Variants in IL1RAP observed in about 807,000 individuals in gnomAD.
The protein encoded by IL1RAP is interleukin-1 receptor accessory protein.
In IL1RAP, 35 loss-of-function variants were observed where a neutral mutation model predicts 60.7. The ratio of observed to expected loss-of-function variants is 0.58; its 90% confidence interval spans 0.44 to 0.76. The LOEUF is 0.76. Ranked by LOEUF, IL1RAP falls within the 30% of genes least tolerant of loss-of-function variation. IL1RAP has a pLI of 0.00. For synonymous variants in IL1RAP, 268 were observed against 250.9 expected (o/e 1.07, Z -0.64); for missense variants, 572 against 693.9 (o/e 0.82, Z 1.97).
At chr3:190,528,582 G>A (rs1722705832) in intron 1 of IL1RAP, among the ~76,000 whole-genome samples, 1 of 152,134 alleles carries the variant, frequency 6.6e-6, no homozygotes, top group African/African-American at 2.4e-5. Context: ...AGAAACTTCT[G>A]TAGGCAAGAC....
At chr3:190,520,955 T>C (rs1721968350) in intron 1 of IL1RAP, among the ~76,000 whole-genome samples, 1 of 152,214 alleles carries the variant, frequency 6.6e-6, no homozygotes, top group Non-Finnish European at 1.5e-5. Context: ...ATAGTGGACA[T>C]TGATGTCAAA....
chr3:190,553,933 C>T (rs1030999904), intron 1 of IL1RAP, among the ~76,000 whole-genome samples: 8 of 150,410 alleles, frequency 5.3e-5, no homozygotes, highest in African/African-American at 1.5e-4. Context: ...TAGTGGCGGG[C>T]GCCTGTAGTC....
chr3:190,652,188 G>A (rs564909540), downstream of IL1RAP, among the ~76,000 whole-genome samples: 5 of 152,150 alleles, frequency 3.3e-5, no homozygotes, highest in East Asian at 9.7e-4. Flanking sequence ...TCCCTGGCCA[G>A]GCGCGGTGGC....
intron 1 of IL1RAP, among the ~76,000 whole-genome samples, chr3:190,548,428 G>A (rs1216590067): frequency 6.6e-6 from 1 of 152,160 alleles, no homozygotes; most frequent in Non-Finnish European, 1.5e-5. Context: ...GAGGGGTTAA[G>A]TACATTATCC....
At chr3:190,615,216 A>G (rs1259754353) in intron 5 of IL1RAP, 7 of 683,104 alleles carry the variant, frequency 1.0e-5, no homozygotes, top group Non-Finnish European at 1.6e-5. Flanking sequence ...TGGAAAGCAA[A>G]CCATAGTTTG....
downstream of IL1RAP, among the ~76,000 whole-genome samples, chr3:190,654,589 T>C (rs1734544988): frequency 6.6e-6 from 1 of 152,186 alleles, no homozygotes; most frequent in South Asian, 2.1e-4. Flanking sequence ...AAATTCATGT[T>C]AAATCCACTG....
At chr3:190,576,929 G>A (rs1223520988) in intron 3 of IL1RAP, among the ~76,000 whole-genome samples, 2 of 151,178 alleles carry the variant, frequency 1.3e-5, no homozygotes, top group African/African-American at 2.4e-5. Context: ...GTGAAACCCC[G>A]TCTCTACTAA....
intron 3 of IL1RAP, among the ~76,000 whole-genome samples, chr3:190,586,864 A>G (rs1018693267): frequency 6.6e-5 from 10 of 151,978 alleles, no homozygotes; most frequent in African/African-American, 2.4e-4. Flanking sequence ...ATTTAGACAG[A>G]TGTGATCTAC....
At chr3:190,540,252 G>A (rs142648130) in intron 1 of IL1RAP, among the ~76,000 whole-genome samples, 51 of 151,896 alleles carry the variant, frequency 3.4e-4, no homozygotes, top group African/African-American at 1.1e-3. Flanking sequence ...TCTCTCTTCC[G>A]TCCTCTCTGC....
intron 4 of IL1RAP, among the ~76,000 whole-genome samples, chr3:190,607,381 A>G (rs1409087662): frequency 6.6e-6 from 1 of 152,182 alleles, no homozygotes; most frequent in African/African-American, 2.4e-5. Flanking sequence ...TTAATAACAA[A>G]TATTTATTTA....
intron 1 of IL1RAP, among the ~76,000 whole-genome samples, chr3:190,546,877 A>G (rs1000703794): frequency 2.0e-5 from 3 of 152,250 alleles, no homozygotes; most frequent in Non-Finnish European, 4.4e-5. Context: ...GTAGGTATCC[A>G]GTTACACGAA....
At chr3:190,648,250 C>T in intron 11 of IL1RAP, 88 bp from the exon 12 acceptor site, 5 of 1,502,570 alleles carry the variant, frequency 3.3e-6, no homozygotes, top group Non-Finnish European at 4.4e-6. Context: ...GGCTGGTACC[C>T]TAAGTTCCCT....
At chr3:190,635,335 C>A (rs1276484339) in intron 9 of IL1RAP, among the ~76,000 whole-genome samples, 3 of 151,972 alleles carry the variant, frequency 2.0e-5, no homozygotes, top group African/African-American at 7.2e-5. Flanking sequence ...TGATTTTTCT[C>A]TGTTGTTTAT....
intron 9 of IL1RAP, among the ~76,000 whole-genome samples, chr3:190,632,240 C>G (rs2108826047): frequency 6.6e-6 from 1 of 152,322 alleles, no homozygotes; most frequent in South Asian, 2.1e-4. Flanking sequence ...TCCAGGCGCT[C>G]TATTTCCTCA....
In IL1RAP at chr3:190,651,012, T is replaced by C; in HGVS notation, c.*2307T>C. ...TTGGTACTTAATTTTACAAATGCTGTAATATAAAGCATATCAAGTTTATGT... is the reference window on the plus strand; with the variant it reads ...TTGGTACTTAATTTTACAAATGCTGCAATATAAAGCATATCAAGTTTATGT... On this transcript the variant is annotated 3_prime_UTR_variant, in exon 12 of 12. Coordinates refer to ENST00000447382, the MANE Select transcript of IL1RAP (RefSeq NM_002182.4). The C allele has an allele frequency of 1.0e-6, 1 of 984,828 alleles. No homozygotes were observed. The highest frequency in any genetic ancestry group is 1.2e-6 in the Non-Finnish European group (1 of 829,398). The allele number at this position is 984,828 out of a possible 1,614,324, so 61.0% of individuals were successfully genotyped here. A position where few individuals can be genotyped will look rare whatever the true frequency, so the allele number is the denominator to read the frequency against.
At chr3:190,607,170 T>C (rs1730404597) in intron 4 of IL1RAP, among the ~76,000 whole-genome samples, 1 of 152,116 alleles carries the variant, frequency 6.6e-6, no homozygotes, top group African/African-American at 2.4e-5. Flanking sequence ...TTAGTCTTTA[T>C]TCATAAGTCA....
At position 190,629,434 on chromosome 3, in the gene IL1RAP, C is replaced by T. The variant is rs752999984; in HGVS notation, c.987C>T (p.Ser329=). ...TTACCTCTGAGGATCTCAAGCGCAG[C>T]TATGTCTGTCATGCTAGAAGTGCCA... is the stretch of plus-strand genomic sequence containing the variant. ...KKVTSEDLKR[S]YVCHARSAKG... The change falls in exon 9 of 12, where the codon AGC becomes AGT. Residue 329 remains serine, a synonymous_variant. Transcript: ENST00000447382. The T allele has an allele frequency of 1.9e-6, 3 of 1,613,830 alleles. No homozygotes were observed. The highest frequency in any genetic ancestry group is 2.5e-6 in the Non-Finnish European group (3 of 1,179,852).
chr3:190,569,325 C>G (rs1726705100), intron 3 of IL1RAP, among the ~76,000 whole-genome samples: 1 of 152,168 alleles, frequency 6.6e-6, no homozygotes, highest in Non-Finnish European at 1.5e-5. Context: ...TTGTTACCAG[C>G]CCCAGTGGCC....
downstream of IL1RAP, chr3:190,656,090 A>G (rs1256642908): frequency 6.5e-7 from 1 of 1,537,268 alleles, no homozygotes; most frequent in Admixed American, 2.0e-5. Flanking sequence ...CTTCAGCTCA[A>G]AGAGTCTGTG....
Sources: gnomAD v4.1 joint callset for allele counts (sites outside exome capture counted in the v4.1 genomes callset) on GRCh38, gnomAD v4.1.1 for gene constraint, MANE v1.5 for transcripts, NCBI Gene and HGNC (gene_info 2026-07-23, HGNC 2026-07-21) for gene names.